Variants in PTPRM observed in about 807,000 individuals in gnomAD.
PTPRM encodes receptor-type tyrosine-protein phosphatase mu.
In PTPRM, 47 loss-of-function variants were observed where a neutral mutation model predicts 186.7. The ratio of observed to expected loss-of-function variants is 0.25; its 90% CI spans 0.20 to 0.32. The LOEUF is 0.32. Among genes scored for constraint, PTPRM ranks in the 10% least tolerant of loss-of-function variants. The probability of loss-of-function intolerance (pLI) is 1.00; values close to 1 mark genes in which losing one functional copy is unlikely to be tolerated. For synonymous variants in PTPRM, 668 were observed against 674.9 expected (o/e 0.99, Z 0.16); for missense variants, 1,494 against 1,865.0 (o/e 0.80, Z 3.66).
intron 7 of PTPRM, among the ~76,000 whole-genome samples, chr18:7,994,113 G>C (rs953789692): frequency 6.6e-6 from 1 of 151,994 alleles, no homozygotes; most frequent in African/African-American, 2.4e-5. Flanking sequence ...TGAAAGTGAA[G>C]AGATGGGAAA....
chr18:8,150,213 C>G (rs1200270921), intron 14 of PTPRM, among the ~76,000 whole-genome samples: 4 of 152,184 alleles, frequency 2.6e-5, no homozygotes, highest in Non-Finnish European at 5.9e-5. Flanking sequence ...TGGGGAAGTT[C>G]TCCTGGATAA....
At chr18:8,101,019 A>G (rs1371908607) in intron 11 of PTPRM, among the ~76,000 whole-genome samples, 1 of 152,222 alleles carries the variant, frequency 6.6e-6, no homozygotes, top group Non-Finnish European at 1.5e-5. Context: ...AATATTGTGC[A>G]TTCATTTGGT....
At chr18:7,923,687 A>G (rs1361901327) in intron 4 of PTPRM, among the ~76,000 whole-genome samples, 2 of 152,194 alleles carry the variant, frequency 1.3e-5, no homozygotes, top group Admixed American at 1.3e-4. Context: ...TTTGATGGTA[A>G]TGGCAACAGG....
At chr18:7,824,350 A>G (rs1248357809) in intron 2 of PTPRM, among the ~76,000 whole-genome samples, 2 of 152,158 alleles carry the variant, frequency 1.3e-5, no homozygotes, top group South Asian at 2.1e-4. Flanking sequence ...GTGGGGACAC[A>G]TGAAACAACT....
At chr18:7,928,630 G>A (rs541466842) in intron 5 of PTPRM, among the ~76,000 whole-genome samples, 9 of 152,154 alleles carry the variant, frequency 5.9e-5, no homozygotes, top group African/African-American at 2.2e-4. Context: ...AATACGTTTT[G>A]CTCCTAATAT....
At chr18:7,859,511 C>T (rs916225883) in intron 2 of PTPRM, among the ~76,000 whole-genome samples, 11 of 152,362 alleles carry the variant, frequency 7.2e-5, no homozygotes, top group African/African-American at 1.4e-4. Context: ...GCACCTGGGG[C>T]TTCCATGAGC....
intron 1 of PTPRM, among the ~76,000 whole-genome samples, chr18:7,695,784 A>G (rs1344354536): frequency 6.6e-6 from 1 of 152,138 alleles, no homozygotes; most frequent in African/African-American, 2.4e-5. Context: ...ACTGATGGCC[A>G]CCCTCCTGTC....
intron 14 of PTPRM, among the ~76,000 whole-genome samples, chr18:8,238,951 G>C (rs2147233357): frequency 6.6e-6 from 1 of 150,514 alleles, no homozygotes; most frequent in East Asian, 2.0e-4. Context: ...AAGTCTGGCA[G>C]GTTAGGTACT....
chr18:7,638,083 T>C (rs1027808640), intron 1 of PTPRM, among the ~76,000 whole-genome samples: 4 of 152,210 alleles, frequency 2.6e-5, no homozygotes, highest in African/African-American at 9.6e-5. Context: ...AACCATTCAG[T>C]TAACCAAACA....
intron 2 of PTPRM, among the ~76,000 whole-genome samples, chr18:7,869,504 G>A (rs1434800574): frequency 6.6e-6 from 1 of 152,150 alleles, no homozygotes; most frequent in East Asian, 1.9e-4. Flanking sequence ...CCCTGCTTCT[G>A]CTCTCCCTCC....
intron 4 of PTPRM, among the ~76,000 whole-genome samples, chr18:7,914,464 A>G (rs2050439140): frequency 6.6e-6 from 1 of 152,148 alleles, no homozygotes; most frequent in African/African-American, 2.4e-5. Context: ...CACAGGAATT[A>G]CTTGGCTTTT....
chr18:7,894,034 A>C (rs1425829545), intron 3 of PTPRM, among the ~76,000 whole-genome samples: 1 of 152,024 alleles, frequency 6.6e-6, no homozygotes, highest in Non-Finnish European at 1.5e-5. Context: ...AACAAACAAA[A>C]AAACAATAAG....
At position 8,305,409 on chromosome 18, in the gene PTPRM, G is replaced by C. The variant is rs546074070; in HGVS notation, c.2842+8954G>C. On this transcript the variant is annotated intron_variant, in intron 20 of 32. Transcript: ENST00000580170. ...AGCTAACTTTCCCTTACTTCTTATT[G>C]TATACCAGCTACTTACTAATGATTA... Among the ~76,000 whole-genome samples the C allele has an allele frequency of 2.6e-5, 4 of 152,290 alleles. 1 individual carries two copies. The highest frequency in any genetic ancestry group is 2.6e-4 in the Admixed American group (4 of 15,304).
chr18:7,602,428 A>AT (rs34285707), intron 1 of PTPRM, among the ~76,000 whole-genome samples: 382 of 142,592 alleles, frequency 2.7e-3, no homozygotes, highest in Admixed American at 3.5e-3. Context: ...GATTGTGGCA[A>AT]TTTTTTTTTT....
Position 8,025,468 on chromosome 18 carries a change from G to A in PTPRM, c.1133-44218G>A, listed in dbSNP as rs2085512198. The stretch of plus-strand genomic sequence containing the variant: ...TCTGCCTGATTAGGTGCCAGGAGAA[G>A]TTTCTTCTTTGTGTTACTCAATGTC... On this transcript the variant is annotated intron_variant, in intron 7 of 32. Coordinates refer to ENST00000580170, the MANE Select transcript of PTPRM (RefSeq NM_001105244.2). 2.6e-5 allele frequency among the ~76,000 whole-genome samples: 4 copies of A among 152,284 alleles called. No homozygotes were observed. The South Asian group carries it at 8.3e-4, about 32-fold the overall frequency.
At chr18:8,114,695 T>G in intron 12 of PTPRM, 96 bp from the exon 13 acceptor site, 1 of 973,354 alleles carries the variant, frequency 1.0e-6, no homozygotes, top group Non-Finnish European at 1.6e-6. Context: ...AGTGAGATCC[T>G]TCCTTATCAG....
chr18:7,847,918 C>A (rs147956355), intron 2 of PTPRM, among the ~76,000 whole-genome samples: 1 of 152,106 alleles, frequency 6.6e-6, no homozygotes, highest in Non-Finnish European at 1.5e-5. Context: ...AGCACACAGC[C>A]GGTATTTTCT....
intron 1 of PTPRM, among the ~76,000 whole-genome samples, chr18:7,757,486 GT>G (rs2041554925): frequency 6.6e-6 from 1 of 152,212 alleles, no homozygotes; most frequent in Admixed American, 6.5e-5. Flanking sequence ...AGAAATGTAA[GT>G]TGGGTATCCT....
chr18:7,729,207 C>A (rs1483288589), intron 1 of PTPRM, among the ~76,000 whole-genome samples: 1 of 152,158 alleles, frequency 6.6e-6, no homozygotes, highest in Non-Finnish European at 1.5e-5. Flanking sequence ...CACACTGGCC[C>A]CCTCCAACTT....
Sources: gnomAD v4.1 joint callset for allele counts (sites outside exome capture counted in the v4.1 genomes callset) on GRCh38, gnomAD v4.1.1 for gene constraint, MANE v1.5 for transcripts, NCBI Gene and HGNC (gene_info 2026-07-23, HGNC 2026-07-21) for gene names.